The following SENP7 variants were observed in gnomAD, a reference collection of about 807,000 sequenced individuals.
SENP7 encodes SUMO specific peptidase 7.
SENP7 carries 64 observed loss-of-function variants against 141.2 expected under a neutral mutation model. The ratio of observed to expected loss-of-function variants is 0.45; its 90% CI spans 0.37 to 0.56. The LOEUF (loss-of-function observed/expected upper bound fraction) is 0.56. Ranked by LOEUF, SENP7 falls within the 20% of genes least tolerant of loss-of-function variation. The pLI, the probability that SENP7 is intolerant of heterozygous loss-of-function variation, is 0.00. For synonymous variants in SENP7, 382 were observed against 426.4 expected (o/e 0.90, Z 1.28); for missense variants, 1,025 against 1,212.2 (o/e 0.85, Z 2.29).
At position 101,395,888 on chromosome 3, in the gene SENP7, C is replaced by T. The variant is rs773968570; in HGVS notation, c.677+2973G>A. ...GATATCAGCACCAATAAGAGAGACACAAAAATAATGACTAACTTTTAATAA... is the reference window on the plus strand; with the variant it reads ...GATATCAGCACCAATAAGAGAGACATAAAAATAATGACTAACTTTTAATAA... On this transcript the variant is annotated intron_variant, in intron 6 of 23. Transcript: ENST00000394095. Among the ~76,000 whole-genome samples, 10 of 152,146 alleles carry T rather than the reference C, an allele frequency of 6.6e-5. No homozygotes were observed. In the South Asian group the frequency reaches 1.2e-3, roughly 19 times the overall value.
chr3:101,498,104 A>G (rs1284751032), intron 2 of SENP7, among the ~76,000 whole-genome samples: 1 of 152,202 alleles, frequency 6.6e-6, no homozygotes, highest in African/African-American at 2.4e-5. Flanking sequence ...CCCCTTATAG[A>G]AGAATTTACA....
At chr3:101,346,074 A>T (rs1182853562) in intron 13 of SENP7, among the ~76,000 whole-genome samples, 1 of 152,216 alleles carries the variant, frequency 6.6e-6, no homozygotes, top group Non-Finnish European at 1.5e-5. Context: ...TTAATTAGCA[A>T]GAAAAAAACA....
intron 4 of SENP7, among the ~76,000 whole-genome samples, chr3:101,446,568 T>A (rs1388902406): frequency 1.3e-5 from 2 of 152,154 alleles, no homozygotes; most frequent in African/African-American, 4.8e-5. Context: ...ATAAAGTATC[T>A]CCTGAGACCA....
At chr3:101,412,489 A>G (rs2107634834) in intron 5 of SENP7, among the ~76,000 whole-genome samples, 1 of 152,234 alleles carries the variant, frequency 6.6e-6, no homozygotes, top group East Asian at 1.9e-4. Context: ...TCTTAAAATG[A>G]CAGGAACACT....
chr3:101,428,794 T>C (rs934478870), intron 4 of SENP7, among the ~76,000 whole-genome samples: 4 of 152,234 alleles, frequency 2.6e-5, no homozygotes, highest in Admixed American at 6.5e-5. Context: ...TGATATTGCC[T>C]AGGTTTTCTT....
At chr3:101,441,599 G>C (rs1480531148) in intron 4 of SENP7, among the ~76,000 whole-genome samples, 1 of 152,106 alleles carries the variant, frequency 6.6e-6, no homozygotes, top group Non-Finnish European at 1.5e-5. Context: ...CAAGTGGCCT[G>C]AGAACCCACC....
chr3:101,392,496 A>T (rs2060843933), intron 6 of SENP7, among the ~76,000 whole-genome samples: 1 of 152,220 alleles, frequency 6.6e-6, no homozygotes, highest in Non-Finnish European at 1.5e-5. Context: ...GAGTTGAAAG[A>T]TCTCTAAATT....
intron 4 of SENP7, among the ~76,000 whole-genome samples, chr3:101,443,709 G>T (rs2062772799): frequency 7.3e-6 from 1 of 136,122 alleles, no homozygotes. Context: ...TCTCTTTGAA[G>T]CAATTGTGAA....
intron 4 of SENP7, among the ~76,000 whole-genome samples, chr3:101,428,649 C>T (rs1468017542): frequency 6.6e-6 from 1 of 152,174 alleles, no homozygotes; most frequent in African/African-American, 2.4e-5. Flanking sequence ...CCATAGGTTG[C>T]CTGTTCACTC....
chr3:101,416,509 C>T (rs920363186), intron 5 of SENP7, among the ~76,000 whole-genome samples: 1 of 152,138 alleles, frequency 6.6e-6, no homozygotes. Flanking sequence ...AGAGATTAAC[C>T]TGTACTGGGG....
chr3:101,492,262 A>G (rs1010755074), intron 3 of SENP7, among the ~76,000 whole-genome samples: 1 of 151,202 alleles, frequency 6.6e-6, no homozygotes, highest in South Asian at 2.1e-4. Context: ...CTAATCCGAG[A>G]TACTCAGGAG....
intron 1 of SENP7, among the ~76,000 whole-genome samples, chr3:101,509,983 C>CT (rs113249404): frequency 0.14 from 21,208 of 152,170 alleles, 2,291 homozygotes; most frequent in African/African-American, 0.31. Context: ...CATACGTTAT[C>CT]CTTAACTACA....
chr3:101,498,943 G>A (rs2065264309), intron 2 of SENP7, among the ~76,000 whole-genome samples: 1 of 152,172 alleles, frequency 6.6e-6, no homozygotes, highest in Non-Finnish European at 1.5e-5. Context: ...CCCTGTCCAT[G>A]GGAAAACTGT....
At chr3:101,469,233 G>A (rs1266089453) in intron 3 of SENP7, among the ~76,000 whole-genome samples, 1 of 151,932 alleles carries the variant, frequency 6.6e-6, no homozygotes, top group African/African-American at 2.4e-5. Context: ...GAGAATACAG[G>A]AGCACCCAGA....
At chr3:101,487,603 T>G (rs1012275347) in intron 3 of SENP7, among the ~76,000 whole-genome samples, 39 of 152,248 alleles carry the variant, frequency 2.6e-4, no homozygotes. Context: ...GGTTTTACAT[T>G]TAAATCTTTA....
chr3:101,440,716 A>G (rs578018119), intron 4 of SENP7, among the ~76,000 whole-genome samples: 44 of 152,204 alleles, frequency 2.9e-4, no homozygotes, highest in African/African-American at 1.0e-3. Context: ...AGACAGCACA[A>G]GAAAAAAAAC....
chr3:101,381,864 G>C (rs2060511301), intron 6 of SENP7, among the ~76,000 whole-genome samples: 1 of 152,124 alleles, frequency 6.6e-6, no homozygotes, highest in Non-Finnish European at 1.5e-5. Context: ...TCTCAAAATA[G>C]AGTATCTTCT....
chr3:101,430,514 C>T (rs1004769041), intron 4 of SENP7, among the ~76,000 whole-genome samples: 3 of 152,182 alleles, frequency 2.0e-5, no homozygotes, highest in Non-Finnish European at 4.4e-5. Context: ...GTTTGTATTT[C>T]TGTGGGATCG....
At chr3:101,430,686 C>T (rs1156510236) in intron 4 of SENP7, among the ~76,000 whole-genome samples, 1 of 152,136 alleles carries the variant, frequency 6.6e-6, no homozygotes, top group Non-Finnish European at 1.5e-5. Flanking sequence ...GTCTCCATCT[C>T]CTTCAGTTCT....
Sources: gnomAD v4.1 joint callset for allele counts (sites outside exome capture counted in the v4.1 genomes callset) on GRCh38, gnomAD v4.1.1 for gene constraint, MANE v1.5 for transcripts, NCBI Gene and HGNC (gene_info 2026-07-23, HGNC 2026-07-21) for gene names.